MID2: variants seen among roughly 807,000 people sequenced by gnomAD.
The protein encoded by MID2 is midline 2.
MID2 carries 13 observed loss-of-function variants against 46.1 expected under a neutral mutation model. The observed-to-expected ratio is 0.28, with a 90% CI of 0.18 to 0.45. MID2 has a LOEUF of 0.45. MID2 is among the 20% of genes least tolerant of loss of function. The probability of loss-of-function intolerance (pLI) is 1.00; values close to 1 mark genes in which losing one functional copy is unlikely to be tolerated. For missense variants in MID2, 431 were observed against 575.4 expected, an observed-to-expected ratio of 0.75 and a Z score of 2.57; for synonymous variants, 199 against 212.3, an observed-to-expected ratio of 0.94 and a Z score of 0.55.
At chrX:107,854,353 T>C (rs1931695958) in intron 2 of MID2, among the ~76,000 whole-genome samples, 2 of 112,421 alleles carry the variant, frequency 1.8e-5, no homozygotes, top group African/African-American at 6.5e-5. Flanking sequence ...ATCTAAAACA[T>C]AAGGTTTCTT....
At chrX:107,882,097 A>C (rs997218961) in intron 3 of MID2, among the ~76,000 whole-genome samples, 4 of 112,046 alleles carry the variant, frequency 3.6e-5, no homozygotes, top group African/African-American at 6.5e-5. Context: ...CAAAAACAAG[A>C]AATGGGGAAA....
chrX:107,894,443 G>T (rs934477780), intron 3 of MID2, among the ~76,000 whole-genome samples: 8 of 111,943 alleles, frequency 7.1e-5, no homozygotes, highest in Admixed American at 2.8e-4. Context: ...TAGAGGTGTT[G>T]TTATTCCAAC....
intron 7 of MID2, among the ~76,000 whole-genome samples, 197 bp from the exon 8 acceptor site, chrX:107,924,146 G>A: frequency 8.9e-6 from 1 of 112,573 alleles, no homozygotes; most frequent in Non-Finnish European, 1.9e-5. Flanking sequence ...AAGGAGCCTG[G>A]CCTAAGCCTA....
intron 5 of MID2, among the ~76,000 whole-genome samples, chrX:107,909,353 C>G (rs1031831304): frequency 9.0e-6 from 1 of 111,723 alleles, no homozygotes; most frequent in Non-Finnish European, 1.9e-5. Context: ...TATGTGAGTA[C>G]CAGGGATTGT....
intron 1 of MID2, among the ~76,000 whole-genome samples, chrX:107,839,220 G>T (rs2147824594): frequency 9.0e-6 from 1 of 111,418 alleles, no homozygotes; most frequent in East Asian, 2.8e-4. Flanking sequence ...AGACAACTTA[G>T]AATATTTATG....
chrX:107,886,454 A>G (rs1356732455), intron 3 of MID2, among the ~76,000 whole-genome samples: 1 of 111,795 alleles, frequency 8.9e-6, no homozygotes, highest in African/African-American at 3.3e-5. Flanking sequence ...ATTATTTCTG[A>G]GGCCTCTGTT....
In MID2 at chrX:107,930,724, T is replaced by C. The variant is rs1933267414; in HGVS notation, c.*3651T>C. On this transcript the variant is annotated 3_prime_UTR_variant, in exon 10 of 10. Coordinates refer to ENST00000262843, the MANE Select transcript of MID2 (RefSeq NM_012216.4). The stretch of plus-strand genomic sequence containing the variant: ...AGAGAAGTAATTGGCTACCTCTAGC[T>C]AAACCCAGCTGGACAAAGAGAATAG... Among the ~76,000 whole-genome samples the C allele has an allele frequency of 8.9e-6, 1 of 112,277 alleles. No homozygotes were observed. The highest frequency in any genetic ancestry group is 9.4e-5 in the Admixed American group (1 of 10,621).
chrX:107,841,465 T>G, intron 2 of MID2, 80 bp downstream of exon 2: 1 of 720,361 alleles, frequency 1.4e-6, no homozygotes, highest in Non-Finnish European at 2.0e-6. Context: ...AATAGGTGAC[T>G]TTTCCTATAT....
intron 7 of MID2, among the ~76,000 whole-genome samples, chrX:107,922,158 C>T (rs944231622): frequency 8.9e-6 from 1 of 111,940 alleles, no homozygotes; most frequent in Non-Finnish European, 1.9e-5. Flanking sequence ...CCCACAGGTT[C>T]CTTCCTGCCT....
At chrX:107,851,567 A>T (rs1188736588) in intron 2 of MID2, among the ~76,000 whole-genome samples, 1 of 110,585 alleles carries the variant, frequency 9.0e-6, no homozygotes, top group Admixed American at 9.8e-5. Context: ...AGTCTGCCCC[A>T]CATTTTGCTG....
upstream of MID2, chrX:107,825,810 G>GT (rs1470204525): frequency 4.7e-6 from 1 of 210,757 alleles, no homozygotes; most frequent in Non-Finnish European, 8.6e-6. Flanking sequence ...GGTAGGTACA[G>GT]TAGTAACCCG....
intron 3 of MID2, chrX:107,901,174 T>C (rs1424257226): frequency 8.9e-6 from 1 of 111,750 alleles, no homozygotes; most frequent in Non-Finnish European, 1.9e-5. Flanking sequence ...GCAGTGGGAA[T>C]GGAGAAGGAA....
At chrX:107,837,693 T>G (rs1426785986) in intron 1 of MID2, among the ~76,000 whole-genome samples, 4 of 110,819 alleles carry the variant, frequency 3.6e-5, no homozygotes, top group African/African-American at 6.6e-5. Flanking sequence ...AGCACAGGCA[T>G]TGGAATTATA....
chrX:107,890,947 T>C (rs1213752727), intron 3 of MID2, among the ~76,000 whole-genome samples: 1 of 110,650 alleles, frequency 9.0e-6, no homozygotes, highest in African/African-American at 3.3e-5. Context: ...GTGTGCCGTT[T>C]GCTAAGACCA....
At chrX:107,830,182 C>T (rs1429995166) in intron 1 of MID2, among the ~76,000 whole-genome samples, 3 of 112,341 alleles carry the variant, frequency 2.7e-5, no homozygotes, top group Non-Finnish European at 3.8e-5. Flanking sequence ...CTCATTCTAT[C>T]CCATAGAACT....
intron 3 of MID2, among the ~76,000 whole-genome samples, chrX:107,860,019 G>A (rs901839003): frequency 8.9e-6 from 1 of 111,967 alleles, no homozygotes; most frequent in East Asian, 2.8e-4. Flanking sequence ...AATAAAATCT[G>A]TATTTAAGAA....
rs1217166139 is a variant in MID2, at chrX:107,929,437, A to G, written c.*2364A>G. On this transcript the variant is annotated 3_prime_UTR_variant, in exon 10 of 10. Coordinates refer to ENST00000262843, the MANE Select transcript of MID2 (RefSeq NM_012216.4). ...AATCTTTTGCCACTTTCCCCCTCAC[A>G]TTGATTAAGGTAGCCAAGTTTAACT... is the stretch of plus-strand genomic sequence containing the variant. Among the ~76,000 whole-genome samples the G allele has an allele frequency of 9.0e-6, 1 of 111,478 alleles. No individual in the cohort carries two copies. Among genetic ancestry groups the G allele is most frequent in the Non-Finnish European group, 1.9e-5 (1 of 53,012 alleles).
Position 107,858,309 on chromosome X carries a change from A to G in MID2, c.816+3605A>G, listed in dbSNP as rs768631302. Among the ~76,000 whole-genome samples, 8 of 112,137 alleles carry G rather than the reference A, an allele frequency of 7.1e-5. No individual in the cohort carries two copies. In the South Asian group the frequency reaches 1.5e-3, roughly 21 times the overall value. On this transcript the variant is annotated intron_variant, in intron 3 of 9. Coordinates refer to ENST00000262843, the MANE Select transcript of MID2 (RefSeq NM_012216.4). ...AAGGGCATGCTTTGACCTTGCTATG[A>G]TAACCACTTGATCTCTATATATAGT... is the stretch of plus-strand genomic sequence containing the variant.
chrX:107,826,302 A>G lies in MID2; in HGVS notation c.-125A>G. On this transcript the variant is annotated 5_prime_UTR_variant, in exon 1 of 10. Transcript: ENST00000262843. ...AAGGCGGGCGGCGGCCTACAGTGGT[A>G]GCGGCGGCGGCGGCGACCGGGGCCC... 1 of 784,519 alleles carries G rather than the reference A, an allele frequency of 1.3e-6. No individual in the cohort carries two copies. Among genetic ancestry groups the G allele is most frequent in the Non-Finnish European group, 1.7e-6 (1 of 592,132 alleles). The allele number at this position is 784,519 out of a possible 1,213,427, so 64.7% of individuals were successfully genotyped here.
Sources: gnomAD v4.1 joint callset for allele counts (sites outside exome capture counted in the v4.1 genomes callset) on GRCh38, gnomAD v4.1.1 for gene constraint, MANE v1.5 for transcripts, NCBI Gene and HGNC (gene_info 2026-07-23, HGNC 2026-07-21) for gene names.